ADGRB3: variants seen among roughly 807,000 people sequenced by gnomAD.
The protein encoded by ADGRB3 is adhesion G protein-coupled receptor B3, also known as brain-specific angiogenesis inhibitor 3.
A neutral mutation model predicts 193.4 loss-of-function variants in ADGRB3; 37 were observed. The ratio of observed to expected loss-of-function variants is 0.19; its 90% CI spans 0.15 to 0.25. The LOEUF (loss-of-function observed/expected upper bound fraction) is 0.25, where lower values mean the gene tolerates loss of function less well. Among genes scored for constraint, ADGRB3 ranks in the 10% least tolerant of loss-of-function variants. The probability of loss-of-function intolerance (pLI) is 1.00; values close to 1 mark genes in which losing one functional copy is unlikely to be tolerated. For synonymous variants in ADGRB3, 690 were observed against 644.2 expected, an observed-to-expected ratio of 1.07 and a Z score of -1.08; for missense variants, 1,637 against 1,852.9, an observed-to-expected ratio of 0.88 and a Z score of 2.14.
In ADGRB3 at chr6:68,758,631, T is replaced by C. The variant is rs556394876; in HGVS notation, c.757+119199T>C. ...CATTCACATTTCTTGATCACAGTTA[T>C]TTGCCAGTGCAGAAAAATGTTCTAT... is the stretch of plus-strand genomic sequence containing the variant. On this transcript the variant is annotated intron_variant, in intron 3 of 31. Coordinates refer to ENST00000370598, the MANE Select transcript of ADGRB3 (RefSeq NM_001704.3). Among the ~76,000 whole-genome samples, 36 of 152,254 alleles carry C rather than the reference T, an allele frequency of 2.4e-4. No individual in the cohort carries two copies. In the Middle Eastern group the frequency reaches 0.01, roughly 43 times the overall value.
intron 17 of ADGRB3, among the ~76,000 whole-genome samples, chr6:69,133,487 A>G (rs1774068874): frequency 6.6e-6 from 1 of 152,006 alleles, no homozygotes; most frequent in African/African-American, 2.4e-5. Flanking sequence ...TAGCCTACCA[A>G]CCAAAAAACA....
At chr6:69,012,550 A>G (rs1489860328) in intron 11 of ADGRB3, among the ~76,000 whole-genome samples, 5 of 152,054 alleles carry the variant, frequency 3.3e-5, no homozygotes, top group African/African-American at 1.2e-4. Context: ...TTTTAAGTGG[A>G]AAAAAATGGC....
chr6:69,106,179 A>G lies in ADGRB3; in HGVS notation c.2480+30141A>G, dbSNP rs371615511. Among the ~76,000 whole-genome samples the G allele has an allele frequency of 5.5e-3, 778 of 140,814 alleles. 6 individuals are homozygous for G. Among genetic ancestry groups the G allele is most frequent in the Admixed American group, 0.01 (140 of 13,596 alleles). 92.4% of individuals were successfully genotyped at this position (140,814 alleles called of 152,430 possible). A position where few individuals can be genotyped will look rare whatever the true frequency, so the allele number is the denominator to read the frequency against. ...GAGACTGCGTTAAAAAAAAAAAAAA[A>G]AAAAGAAAAGAAAAGAAAAAAGAAA... On this transcript the variant is annotated intron_variant, in intron 17 of 31. Coordinates refer to ENST00000370598, the MANE Select transcript of ADGRB3 (RefSeq NM_001704.3).
At chr6:69,049,598 T>C (rs1771335416) in intron 15 of ADGRB3, among the ~76,000 whole-genome samples, 1 of 152,078 alleles carries the variant, frequency 6.6e-6, no homozygotes, top group African/African-American at 2.4e-5. Context: ...GCCTTGATAC[T>C]GAAAGAAAAA....
At chr6:69,217,812 G>T (rs570574414) in intron 17 of ADGRB3, among the ~76,000 whole-genome samples, 1 of 152,134 alleles carries the variant, frequency 6.6e-6, no homozygotes, top group Non-Finnish European at 1.5e-5. Flanking sequence ...CCTCCCTGAC[G>T]TAGATCTGAG....
At chr6:69,387,947 T>C (rs1421657250) in intron 31 of ADGRB3, among the ~76,000 whole-genome samples, 2 of 152,106 alleles carry the variant, frequency 1.3e-5, no homozygotes, top group Admixed American at 6.6e-5. Flanking sequence ...AATATTGGGC[T>C]TCTAAGATCA....
At chr6:68,878,255 C>T (rs1409326582) in intron 3 of ADGRB3, among the ~76,000 whole-genome samples, 1 of 151,306 alleles carries the variant, frequency 6.6e-6, no homozygotes, top group African/African-American at 2.4e-5. Flanking sequence ...TTTGTGTTTA[C>T]TTCATTATTA....
chr6:68,752,292 T>C (rs558643199), intron 3 of ADGRB3, among the ~76,000 whole-genome samples: 2 of 151,410 alleles, frequency 1.3e-5, no homozygotes, highest in Admixed American at 6.6e-5. Context: ...TTTTTTTTTT[T>C]TGAGACAGAA....
intron 17 of ADGRB3, among the ~76,000 whole-genome samples, chr6:69,205,252 C>A (rs1026787744): frequency 6.6e-6 from 1 of 152,108 alleles, no homozygotes; most frequent in Non-Finnish European, 1.5e-5. Flanking sequence ...ATTGCTGCGG[C>A]ATTTTTCTCC....
At chr6:68,768,917 G>T (rs753553426) in intron 3 of ADGRB3, among the ~76,000 whole-genome samples, 3 of 151,808 alleles carry the variant, frequency 2.0e-5, no homozygotes, top group Non-Finnish European at 4.4e-5. Flanking sequence ...CATTTATGCA[G>T]CCAACAAACA....
At chr6:68,996,613 C>T (rs116645473) in intron 11 of ADGRB3, among the ~76,000 whole-genome samples, 33 of 152,244 alleles carry the variant, frequency 2.2e-4, no homozygotes, top group African/African-American at 6.3e-4. Flanking sequence ...ACTGTATGTT[C>T]TTGGCTCTGG....
chr6:68,980,635 T>C (rs1768882290), intron 10 of ADGRB3, among the ~76,000 whole-genome samples: 1 of 151,602 alleles, frequency 6.6e-6, no homozygotes, highest in African/African-American at 2.4e-5. Flanking sequence ...CTAAAAAGTA[T>C]GCCTGTCTTA....
At chr6:68,669,968 G>T (rs887113401) in intron 3 of ADGRB3, among the ~76,000 whole-genome samples, 4 of 151,832 alleles carry the variant, frequency 2.6e-5, no homozygotes, top group Non-Finnish European at 5.9e-5. Context: ...ATTTTAACTG[G>T]GGTGAGATTA....
intron 20 of ADGRB3, among the ~76,000 whole-genome samples, chr6:69,247,405 A>G (rs1260494703): frequency 6.6e-6 from 1 of 152,196 alleles, no homozygotes; most frequent in African/African-American, 2.4e-5. Context: ...CAAGAGCTAG[A>G]TTTCAGCATT....
chr6:69,169,991 A>T (rs761567022), intron 17 of ADGRB3, among the ~76,000 whole-genome samples: 18 of 152,158 alleles, frequency 1.2e-4, no homozygotes, highest in Non-Finnish European at 2.9e-5. Flanking sequence ...ACGAAGTCAG[A>T]TCGAGAAAAC....
intron 22 of ADGRB3, 30 bp downstream of exon 22, chr6:69,327,919 T>A (rs555317487): frequency 6.4e-7 from 1 of 1,555,770 alleles, no homozygotes; most frequent in South Asian, 1.2e-5. Flanking sequence ...TAAATCATGT[T>A]TATAATTTAA....
chr6:68,701,654 T>C (rs185506230), intron 3 of ADGRB3, among the ~76,000 whole-genome samples: 2 of 152,292 alleles, frequency 1.3e-5, no homozygotes, highest in Non-Finnish European at 2.9e-5. Flanking sequence ...TTAAATCTCA[T>C]TTTTTGCCAC....
chr6:68,635,550 C>A lies in ADGRB3; in HGVS notation c.-638C>A. 1 of 154,378 alleles carries A rather than the reference C, an allele frequency of 6.5e-6. No individual in the cohort carries two copies. Among genetic ancestry groups the A allele is most frequent in the South Asian group, 2.0e-4 (1 of 4,924 alleles). 9.6% of individuals were successfully genotyped at this position (154,378 alleles called of 1,614,324 possible). A position where few individuals can be genotyped will look rare whatever the true frequency, so the allele number is the denominator to read the frequency against. Reference sequence around the variant, plus strand: ...AAACCCACCGCCCCAACAAATCTGCCATAGCAGCCGCCGCCGCCGCCGGTC... The same window carrying A: ...AAACCCACCGCCCCAACAAATCTGCAATAGCAGCCGCCGCCGCCGCCGGTC... On this transcript the variant is annotated 5_prime_UTR_variant, in exon 1 of 32. Transcript: ENST00000370598.
chr6:68,991,152 C>T (rs2150273821), intron 10 of ADGRB3, among the ~76,000 whole-genome samples: 1 of 152,152 alleles, frequency 6.6e-6, no homozygotes, highest in South Asian at 2.1e-4. Flanking sequence ...CCAGTGTTTC[C>T]TATGGACTAT....
Sources: allele counts gnomAD v4.1 joint callset (sites outside exome capture counted in the v4.1 genomes callset), GRCh38; gene constraint gnomAD v4.1.1; transcripts MANE v1.5; gene names NCBI Gene and HGNC (gene_info 2026-07-23, HGNC 2026-07-21).